Variants in TPM1 observed in about 807,000 individuals in gnomAD.
The protein encoded by TPM1 is tropomyosin 1.
TPM1 carries 24 observed loss-of-function variants against 42.9 expected under a neutral mutation model. The observed-to-expected ratio is 0.56, with a 90% CI of 0.41 to 0.79. The LOEUF is 0.79. Among genes scored for constraint, TPM1 ranks in the 30% least tolerant of loss-of-function variants. TPM1 has a pLI of 0.00. For synonymous variants in TPM1, 136 were observed against 130.1 expected (o/e 1.05, Z -0.31); for missense variants, 158 against 351.8 (o/e 0.45, Z 4.41).
In TPM1 at chr15:63,057,056, G is replaced by A; in HGVS notation, c.312G>A (p.Glu104=). 1.2e-6 allele frequency: 2 copies of A among 1,614,228 alleles called. No homozygotes were observed. The highest frequency in any genetic ancestry group is 1.1e-5 in the South Asian group (1 of 91,088). ...LVEEELDRAQ[E]RLATALQKLE... is the part of the protein sequence containing the mutation. ...AGGAAGAGTTGGATCGTGCCCAGGA[G>A]CGTCTGGCAACAGCTTTGCAGAAGC... is the stretch of plus-strand genomic sequence containing the variant. The change falls in exon 3 of 10, where the codon GAG becomes GAA. Residue 104 remains glutamate, a synonymous_variant. Coordinates refer to ENST00000403994, the MANE Select transcript of TPM1 (RefSeq NM_001018005.2).
At chr15:63,062,791 G>A in intron 8 of TPM1, 146 bp downstream of exon 8, 1 of 1,547,910 alleles carries the variant, frequency 6.5e-7, no homozygotes, top group South Asian at 1.2e-5. Flanking sequence ...GTTTTTCTCT[G>A]TGGCTCTTGA....
intron 2 of TPM1, chr15:63,049,408 T>C (rs986688799): frequency 6.6e-6 from 1 of 152,356 alleles, no homozygotes; most frequent in Admixed American, 6.5e-5. Context: ...CAACAGTTAT[T>C]GGGTGTATTC....
At chr15:63,071,050 G>C (rs774411811), downstream of TPM1, 1 of 1,612,862 alleles carries the variant, frequency 6.2e-7, no homozygotes, top group East Asian at 2.2e-5. Flanking sequence ...TGTGTCCAAA[G>C]CACAGCTATT....
intron 6 of TPM1, 165 bp downstream of exon 6, chr15:63,061,953 ATTTAT>A: frequency 1.4e-6 from 1 of 706,026 alleles, no homozygotes; most frequent in Non-Finnish European, 2.4e-6. Flanking sequence ...TAACTAGAGA[ATTTAT>A]TTTATGTTAG....
At chr15:63,065,832 T>TC in intron 9 of TPM1, 64 bp from the exon 10 acceptor site, 97 of 1,534,842 alleles carry the variant, frequency 6.3e-5, no homozygotes, top group Non-Finnish European at 8.0e-5. Flanking sequence ...TGGTTTCCTT[T>TC]CTTTTTTTTT....
At chr15:63,052,194 T>G (rs1224185254) in intron 2 of TPM1, among the ~76,000 whole-genome samples, 2 of 152,184 alleles carry the variant, frequency 1.3e-5, no homozygotes, top group African/African-American at 2.4e-5. Flanking sequence ...ATTGAAAGAC[T>G]TCACTGGCAG....
At chr15:63,049,767 A>AT (rs1380060466) in intron 2 of TPM1, among the ~76,000 whole-genome samples, 1 of 152,250 alleles carries the variant, frequency 6.6e-6, no homozygotes, top group Non-Finnish European at 1.5e-5. Flanking sequence ...AAAGTTTCAG[A>AT]TAAAATACAA....
At chr15:63,062,428 A>G (rs1387984543) in intron 7 of TPM1, 148 bp from the exon 8 acceptor site, 2 of 1,247,398 alleles carry the variant, frequency 1.6e-6, no homozygotes, top group African/African-American at 1.5e-5. Context: ...GCTAACTGCC[A>G]TTTCTCACAG....
chr15:63,065,688 A>C, intron 9 of TPM1: 1 of 975,376 alleles, frequency 1.0e-6, no homozygotes, highest in Non-Finnish European at 1.2e-6. Context: ...GGTCTTCTTA[A>C]AATGGACCCT....
intron 2 of TPM1, among the ~76,000 whole-genome samples, chr15:63,050,840 C>T (rs1281966807): frequency 6.6e-6 from 1 of 152,222 alleles, no homozygotes; most frequent in East Asian, 1.9e-4. Flanking sequence ...CTAGCAGTAA[C>T]AGTTTCTTTT....
At position 63,055,346 on chromosome 15, in the gene TPM1, T is replaced by C. The variant is rs955809232; in HGVS notation, c.241-1639T>C. ...TCCTTCACCGTGGTTGGAGATGCCC[T>C]ACTCACCTCTCTTCCCAGATAAAAC... On this transcript the variant is annotated intron_variant, in intron 2 of 9. Coordinates refer to ENST00000403994, the MANE Select transcript of TPM1 (RefSeq NM_001018005.2). Among the ~76,000 whole-genome samples, 10 of 152,230 alleles carry C rather than the reference T, an allele frequency of 6.6e-5. No homozygotes were observed. In the East Asian group the frequency reaches 1.9e-3, roughly 29 times the overall value.
At chr15:63,071,401 G>C in exon 9 of TPM1, 1 of 487,306 alleles carries the variant, frequency 2.1e-6, no homozygotes, top group South Asian at 2.0e-5. Flanking sequence ...ACACTTTGTA[G>C]AGAGTTTAGC....
intron 2 of TPM1, chr15:63,048,601 C>A: frequency 6.5e-7 from 1 of 1,531,670 alleles, no homozygotes; most frequent in Admixed American, 2.0e-5. Flanking sequence ...TCGCTGGAGG[C>A]GGTGCGCAGG....
chr15:63,064,051 T>C lies in TPM1; in HGVS notation c.773-13T>C. 1 of 1,613,808 alleles carries C rather than the reference T, an allele frequency of 6.2e-7. No individual in the cohort carries two copies. The highest frequency in any genetic ancestry group is 8.5e-7 in the Non-Finnish European group (1 of 1,179,984). Reference sequence around the variant, plus strand: ...ATGTTCTTGCACCTCTGCCTTCCACTTCCTGGTCATAGACGAGCTGTACGC... The same window carrying C: ...ATGTTCTTGCACCTCTGCCTTCCACCTCCTGGTCATAGACGAGCTGTACGC... On this transcript the variant is annotated splice_polypyrimidine_tract_variant and intron_variant, in intron 8 of 9. Transcript: ENST00000403994.
At chr15:63,064,506 T>C in intron 9 of TPM1, 1 of 1,100,696 alleles carries the variant, frequency 9.1e-7, no homozygotes, top group Non-Finnish European at 1.1e-6. Flanking sequence ...TATCAAAATT[T>C]GTTTCCTGAA....
chr15:63,063,038 T>C, intron 8 of TPM1: 7 of 1,330,364 alleles, frequency 5.3e-6, no homozygotes, highest in Non-Finnish European at 6.7e-6. Context: ...GAACCCATCT[T>C]CTTCCAAGTA....
At chr15:63,054,633 TG>T (rs1238031474) in intron 2 of TPM1, 1 of 152,328 alleles carries the variant, frequency 6.6e-6, no homozygotes, top group Non-Finnish European at 1.5e-5. Context: ...GCAGAGAACT[TG>T]GAACTTGGTA....
chr15:63,058,266 G>C (rs1489268730), intron 3 of TPM1, among the ~76,000 whole-genome samples: 2 of 152,150 alleles, frequency 1.3e-5, no homozygotes, highest in African/African-American at 2.4e-5. Flanking sequence ...GAGTAAAGGG[G>C]ACTTGGGGAT....
exon 9 of TPM1, chr15:63,071,507 G>A: frequency 2.8e-6 from 1 of 359,508 alleles, no homozygotes; most frequent in South Asian, 2.2e-5. Context: ...GGTTAATGTT[G>A]GAAACACAAT....
Sources: gnomAD v4.1 joint callset for allele counts (sites outside exome capture counted in the v4.1 genomes callset) on GRCh38, gnomAD v4.1.1 for gene constraint, MANE v1.5 for transcripts, NCBI Gene and HGNC (gene_info 2026-07-23, HGNC 2026-07-21) for gene names.